Variants in TAF4B observed in about 807,000 individuals in gnomAD.
TAF4B encodes transcription initiation factor TFIID subunit 4B.
Under a neutral mutation model 86.4 loss-of-function variants are expected in TAF4B, and 38 were observed. That is an observed-to-expected ratio of 0.44 (90% CI 0.34 to 0.58). The LOEUF is 0.58. Among genes scored for constraint, TAF4B ranks in the 20% least tolerant of loss-of-function variants. TAF4B has a pLI of 0.02. For missense variants in TAF4B, 988 were observed against 1,027.6 expected, an observed-to-expected ratio of 0.96 and a Z score of 0.53; for synonymous variants, 388 against 391.2, an observed-to-expected ratio of 0.99 and a Z score of 0.10.
rs2056456275 is a variant in TAF4B at position 26,282,022 on chromosome 18, AAGTCTTCACCTC to A, written c.937_948del (p.Ser313_Gln316del). On this transcript the variant is annotated inframe_deletion, in exon 6 of 15. Transcript: ENST00000269142. ...TACTAGGAAACTGTATGTTGAACTC[AAGTCTTCACCTC>A]AGCCTCACCTGGTTCCTTTTCTTAA... 6.2e-7 allele frequency: 1 copy of A among 1,613,464 alleles called. No homozygotes were observed. Among genetic ancestry groups the A allele is most frequent in the Admixed American group, 1.7e-5 (1 of 59,954 alleles).
chr18:26,320,172 A>G (rs1225443648), intron 10 of TAF4B, among the ~76,000 whole-genome samples: 1 of 152,240 alleles, frequency 6.6e-6, no homozygotes, highest in Non-Finnish European at 1.5e-5. Context: ...ATAAAATCAA[A>G]CTATAATATT....
chr18:26,292,149 T>C (rs765349155), intron 7 of TAF4B, 97 bp from the exon 8 acceptor site: 8 of 1,374,220 alleles, frequency 5.8e-6, no homozygotes, highest in Non-Finnish European at 7.8e-6. Context: ...GGTATATTTA[T>C]GGCTGGGGGA....
In TAF4B at chr18:26,274,712, T is replaced by G; in HGVS notation, c.647T>G (p.Leu216Trp). Residue 216 changes from leucine to tryptophan, a missense_variant, in exon 4 of 15, where the codon TTG (leucine) becomes TGG (tryptophan). By Grantham distance (61) the Leu-to-Trp change is moderately conservative (BLOSUM62 -2). Coordinates refer to ENST00000269142, the MANE Select transcript of TAF4B (RefSeq NM_005640.3). ...GTCACAGTTACTCCTGGAAAGCCAT[T>G]GAATACTGTAACTACCCTGAAGCCT... ...SVVTVTPGKP[L>W]NTVTTLKPSS... 6.2e-7 allele frequency: 1 copy of G among 1,614,192 alleles called. No individual in the cohort carries two copies. Among genetic ancestry groups the G allele is most frequent in the Non-Finnish European group, 8.5e-7 (1 of 1,180,026 alleles).
At chr18:26,338,470 ATTT>A (rs764826705) in intron 13 of TAF4B, among the ~76,000 whole-genome samples, 1 of 71,186 alleles carries the variant, frequency 1.4e-5, no homozygotes. Flanking sequence ...AAGAACTAGA[ATTT>A]TTTTTTTTTT....
At chr18:26,250,279 C>T (rs201973655) in intron 1 of TAF4B, among the ~76,000 whole-genome samples, 30 of 152,172 alleles carry the variant, frequency 2.0e-4, no homozygotes, top group African/African-American at 5.1e-4. Flanking sequence ...AGGCGGATCA[C>T]GAGGTCAGGA....
chr18:26,276,088 A>C (rs1441423546), intron 5 of TAF4B, among the ~76,000 whole-genome samples: 2 of 152,104 alleles, frequency 1.3e-5, no homozygotes, highest in South Asian at 2.1e-4. Flanking sequence ...ATCAATAGAT[A>C]ATGAAATTCG....
intron 14 of TAF4B, among the ~76,000 whole-genome samples, chr18:26,362,516 T>G (rs1212568698): frequency 1.3e-5 from 2 of 152,222 alleles, no homozygotes. Flanking sequence ...TTTTTAGGTG[T>G]TTTTATTTAT....
At chr18:26,242,800 C>G (rs2055860781) in intron 1 of TAF4B, among the ~76,000 whole-genome samples, 1 of 152,162 alleles carries the variant, frequency 6.6e-6, no homozygotes, top group South Asian at 2.1e-4. Context: ...AATCTCTCAG[C>G]ATTTGTTTGT....
At chr18:26,246,840 ATTCTTTTTTTT>A (rs1178156938) in intron 1 of TAF4B, among the ~76,000 whole-genome samples, 1 of 150,288 alleles carries the variant, frequency 6.7e-6, no homozygotes, top group South Asian at 2.1e-4. Context: ...GCCTAATCTC[ATTCTTTTTTTT>A]TTCTTTTTTG....
intron 14 of TAF4B, among the ~76,000 whole-genome samples, chr18:26,364,957 C>T (rs1242534305): frequency 6.6e-6 from 1 of 151,018 alleles, no homozygotes; most frequent in African/African-American, 2.4e-5. Context: ...AGTATATGTC[C>T]TCTCCTTCTA....
chr18:26,350,640 C>T (rs1158423280), intron 13 of TAF4B, among the ~76,000 whole-genome samples: 1 of 152,118 alleles, frequency 6.6e-6, no homozygotes. Flanking sequence ...CATGGTACTA[C>T]ATACTATCAT....
chr18:26,264,843 A>C (rs778948977), intron 1 of TAF4B, among the ~76,000 whole-genome samples: 1 of 152,158 alleles, frequency 6.6e-6, no homozygotes, highest in Non-Finnish European at 1.5e-5. Flanking sequence ...GGGGTTCTCT[A>C]TTCTATTCCA....
chr18:26,236,221 G>T (rs1011135913), intron 1 of TAF4B, among the ~76,000 whole-genome samples: 1 of 152,162 alleles, frequency 6.6e-6, no homozygotes, highest in Non-Finnish European at 1.5e-5. Context: ...AACAAGAAAG[G>T]CACGTGAAAA....
At chr18:26,303,715 C>G (rs1802616848) in intron 9 of TAF4B, among the ~76,000 whole-genome samples, 2 of 137,692 alleles carry the variant, frequency 1.5e-5, no homozygotes, top group Admixed American at 7.9e-5. Flanking sequence ...CTCCTTGGCT[C>G]TACTTGGGCT....
chr18:26,347,587 C>A (rs892235655), intron 13 of TAF4B, among the ~76,000 whole-genome samples: 3 of 152,284 alleles, frequency 2.0e-5, no homozygotes, highest in African/African-American at 7.2e-5. Flanking sequence ...CAGTAATAAT[C>A]CTGTGTGTAA....
At chr18:26,340,360 G>A (rs1568161797) in intron 13 of TAF4B, among the ~76,000 whole-genome samples, 1 of 152,172 alleles carries the variant, frequency 6.6e-6, no homozygotes, top group Non-Finnish European at 1.5e-5. Context: ...CTTCATGCAA[G>A]TTCTACATGG....
intron 5 of TAF4B, among the ~76,000 whole-genome samples, chr18:26,280,150 A>G (rs989258327): frequency 6.6e-6 from 1 of 152,282 alleles, no homozygotes; most frequent in Non-Finnish European, 1.5e-5. Flanking sequence ...TTTTCACCAT[A>G]TATAAAAATT....
At chr18:26,328,315 G>T (rs1406785872) in intron 12 of TAF4B, among the ~76,000 whole-genome samples, 2 of 151,994 alleles carry the variant, frequency 1.3e-5, no homozygotes, top group Non-Finnish European at 2.9e-5. Flanking sequence ...CGGGTGTGGT[G>T]GTGCACGCCT....
At chr18:26,283,826 A>G (rs953771778) in intron 6 of TAF4B, among the ~76,000 whole-genome samples, 1 of 152,136 alleles carries the variant, frequency 6.6e-6, no homozygotes, top group Non-Finnish European at 1.5e-5. Context: ...CAAGGCAGGC[A>G]GATCACCTGG....
Sources: gnomAD v4.1 joint callset for allele counts (sites outside exome capture counted in the v4.1 genomes callset) on GRCh38, gnomAD v4.1.1 for gene constraint, MANE v1.5 for transcripts, NCBI Gene and HGNC (gene_info 2026-07-23, HGNC 2026-07-21) for gene names.